Variants in FNTA observed in about 807,000 individuals in gnomAD.
FNTA encodes farnesyltransferase, CAAX box, subunit alpha, also known as protein farnesyltransferase/geranylgeranyltransferase type-1 subunit alpha.
A neutral mutation model predicts 55.2 loss-of-function variants in FNTA; 27 were observed. The observed-to-expected ratio is 0.49, with a 90% confidence interval of 0.36 to 0.67. FNTA has a LOEUF of 0.67. Ranked by LOEUF, FNTA falls within the 30% of genes least tolerant of loss-of-function variation. FNTA has a pLI of 0.00. For synonymous variants in FNTA, 176 were observed against 170.7 expected (o/e 1.03, Z -0.24); for missense variants, 422 against 464.7 (o/e 0.91, Z 0.85).
At position 43,064,104 on chromosome 8, in the gene FNTA, G is replaced by C. The variant is rs1350763553; in HGVS notation, c.290G>C (p.Arg97Thr). 6.2e-7 allele frequency: 1 copy of C among 1,603,804 alleles called. No individual in the cohort carries two copies. The highest frequency in any genetic ancestry group is 8.5e-7 in the Non-Finnish European group (1 of 1,171,000). ...VVQIIYSDKFRDVYDYFRAVL... is the reference protein window; with the variant it reads ...VVQIIYSDKFTDVYDYFRAVL... ...TAGTTGTGTGCTCTATCTCTAGTTA[G>C]AGATGTTTATGATTACTTCCGAGCT... Residue 97 changes from arginine (R) to threonine (T), a missense_variant, in exon 3 of 9, where the codon AGA becomes ACA. This residue lies in a region of FNTA where 262 missense variants were observed against 343.1 expected (regional missense o/e 0.76). Coordinates refer to ENST00000302279, the MANE Select transcript of FNTA (RefSeq NM_002027.3).
intron 2 of FNTA, among the ~76,000 whole-genome samples, chr8:43,060,632 G>A (rs1254619640): frequency 6.7e-6 from 1 of 150,184 alleles, no homozygotes; most frequent in Non-Finnish European, 1.5e-5. Flanking sequence ...CCACGATCAC[G>A]CCATTGCACT....
chr8:43,062,488 G>A (rs186122565), intron 2 of FNTA, among the ~76,000 whole-genome samples: 199 of 152,072 alleles, frequency 1.3e-3, no homozygotes, highest in African/African-American at 4.5e-3. Flanking sequence ...CACCATGTTG[G>A]TCAGGCTGGT....
rs1411881847 is a variant in FNTA, at chr8:43,056,395, G to A, written c.49G>A (p.Gly17Arg). 3.3e-6 allele frequency: 5 copies of A among 1,506,432 alleles called. No homozygotes were observed. The highest frequency in any genetic ancestry group is 1.8e-6 in the Non-Finnish European group (2 of 1,130,818). 93.3% of individuals were successfully genotyped at this position (1,506,432 alleles called of 1,614,324 possible). Residue 17 changes from glycine to arginine, a missense_variant, in exon 1 of 9, where the codon GGG (glycine) becomes AGG (arginine). By Grantham distance (125) the Gly-to-Arg change is moderately radical. This residue lies in a region of FNTA where 160 missense variants were observed against 121.6 expected (regional missense o/e 1.32). Coordinates refer to ENST00000302279, the MANE Select transcript of FNTA (RefSeq NM_002027.3). Reference sequence around the variant, plus strand: ...GGAGGCTGCGCAAGGGGGCGAGCCCGGGCAGCCGGCGCAACCCCCGCCCCA... The same window carrying A: ...GGAGGCTGCGCAAGGGGGCGAGCCCAGGCAGCCGGCGCAACCCCCGCCCCA... ...VGEAAQGGEPGQPAQPPPQPH... is the reference protein window; with the variant it reads ...VGEAAQGGEPRQPAQPPPQPH...
At chr8:43,059,884 T>C (rs1287510436) in intron 2 of FNTA, among the ~76,000 whole-genome samples, 1 of 152,232 alleles carries the variant, frequency 6.6e-6, no homozygotes, top group Admixed American at 6.5e-5. Flanking sequence ...TGTGCAGATA[T>C]ATTACTAAAC....
At chr8:43,078,614 T>A (rs1262815894) in intron 6 of FNTA, 2 of 152,242 alleles carry the variant, frequency 1.3e-5, no homozygotes. Flanking sequence ...TTGCATGTGT[T>A]CCACCATCTC....
At chr8:43,057,349 GAGT>G (rs1313680654) in intron 1 of FNTA, 4 of 152,336 alleles carry the variant, frequency 2.6e-5, no homozygotes, top group Middle Eastern at 3.4e-3. Flanking sequence ...TTTTGTGAAT[GAGT>G]AGAAGTCACT....
chr8:43,075,097 A>G (rs983193729), intron 5 of FNTA, among the ~76,000 whole-genome samples: 7 of 151,926 alleles, frequency 4.6e-5, no homozygotes, highest in African/African-American at 1.7e-4. Context: ...AAATAGAAAC[A>G]TATGTATAGA....
chr8:43,065,077 G>A (rs1216225880), intron 3 of FNTA, among the ~76,000 whole-genome samples: 26 of 151,298 alleles, frequency 1.7e-4, no homozygotes, highest in Admixed American at 1.3e-3. Flanking sequence ...CTCGTGATCC[G>A]CCCACCTCAG....
At chr8:43,060,718 A>G (rs1330760506) in intron 2 of FNTA, among the ~76,000 whole-genome samples, 1 of 151,992 alleles carries the variant, frequency 6.6e-6, no homozygotes, top group Non-Finnish European at 1.5e-5. Flanking sequence ...TCTTACATAC[A>G]CCATGGTTAG....
At chr8:43,064,274 CTTTTTTTAAACTGTACTTTAA>C (rs1165751255) in intron 3 of FNTA, 59 bp downstream of exon 3, 68 of 1,101,468 alleles carry the variant, frequency 6.2e-5, no homozygotes, top group African/African-American at 6.0e-4. Flanking sequence ...AGTGGCTTTT[CTTTTTTTAAACTGTACTTTAA>C]TTTTTTTAAA....
intron 4 of FNTA, among the ~76,000 whole-genome samples, chr8:43,071,110 T>A (rs758425977): frequency 4.6e-5 from 7 of 152,180 alleles, no homozygotes; most frequent in Non-Finnish European, 8.8e-5. Context: ...CTTCCCTTTT[T>A]CCTATTGTTC....
intron 2 of FNTA, 96 bp from the exon 3 acceptor site, chr8:43,064,005 G>A (rs1810595734): frequency 2.6e-6 from 2 of 772,008 alleles, no homozygotes; most frequent in Non-Finnish European, 4.3e-6. Flanking sequence ...TGATACACAG[G>A]CCAATAAAAT....
intron 2 of FNTA, among the ~76,000 whole-genome samples, chr8:43,061,829 C>G (rs181543263): frequency 1.8e-4 from 28 of 152,030 alleles, no homozygotes; most frequent in Non-Finnish European, 3.5e-4. Context: ...AAGTGATTCT[C>G]CTGCCTCAGC....
chr8:43,083,211 T>TA, intron 7 of FNTA, 31 bp downstream of exon 7: 3 of 1,381,436 alleles, frequency 2.2e-6, no homozygotes, highest in Non-Finnish European at 3.0e-6. Flanking sequence ...TTTTTATATA[T>TA]AAAAAAGAAG....
chr8:43,077,874 C>G lies in FNTA; in HGVS notation c.782+510C>G, dbSNP rs1016242309. 2.0e-5 allele frequency: 3 copies of G among 152,222 alleles called. No homozygotes were observed. The South Asian group carries it at 6.2e-4, about 31-fold the overall frequency. The allele number at this position is 152,222 out of a possible 1,614,324, so 9.4% of individuals were successfully genotyped here. On this transcript the variant is annotated intron_variant, in intron 6 of 8. Coordinates refer to ENST00000302279, the MANE Select transcript of FNTA (RefSeq NM_002027.3). ...ACAAAGAGCTGTTATTAGAGCTAGACATTTCTGAATTGGCATCAATTTCTA... is the reference window on the plus strand; with the variant it reads ...ACAAAGAGCTGTTATTAGAGCTAGAGATTTCTGAATTGGCATCAATTTCTA...
Position 43,072,161 on chromosome 8 carries a change from C to T in FNTA, c.507-20C>T, listed in dbSNP as rs1810807185. The T allele has an allele frequency of 6.8e-7, 1 of 1,460,988 alleles. No individual in the cohort carries two copies. The highest frequency in any genetic ancestry group is 1.4e-5 in the African/African-American group (1 of 69,028). The allele number at this position is 1,460,988 out of a possible 1,614,324, so 90.5% of individuals were successfully genotyped here. A position where few individuals can be genotyped will look rare whatever the true frequency, so the allele number is the denominator to read the frequency against. ...ATGGGTAAATTAACAAAAAACTTCT[C>T]TCCCTTCTTTGGGCTTTAGGCATCA... On this transcript the variant is annotated intron_variant, in intron 4 of 8. Coordinates refer to ENST00000302279, the MANE Select transcript of FNTA (RefSeq NM_002027.3).
Position 43,056,357 on chromosome 8 carries a change from C to G in FNTA, c.11C>G (p.Thr4Ser). Residue 4 changes from threonine (T) to serine (S), a missense_variant, in exon 1 of 9, where the codon ACC becomes AGC. By Grantham distance (58) the Thr-to-Ser change is moderately conservative. This residue lies in a region of FNTA where 160 missense variants were observed against 121.6 expected (regional missense o/e 1.32). Transcript: ENST00000302279. ...GCGGACCGAGGCGAGATGGCGGCCA[C>G]CGAGGGGGTCGGGGAGGCTGCGCAA... Reference protein sequence around the residue: MAATEGVGEAAQGG... With the variant: MAASEGVGEAAQGG... 1 of 1,425,450 alleles carries G rather than the reference C, an allele frequency of 7.0e-7. No individual in the cohort carries two copies. Among genetic ancestry groups the G allele is most frequent in the Non-Finnish European group, 9.1e-7 (1 of 1,096,156 alleles). 88.3% of individuals were successfully genotyped at this position (1,425,450 alleles called of 1,614,324 possible). A position where few individuals can be genotyped will look rare whatever the true frequency, so the allele number is the denominator to read the frequency against.
At chr8:43,073,046 T>C (rs1280804705) in intron 5 of FNTA, among the ~76,000 whole-genome samples, 1 of 152,198 alleles carries the variant, frequency 6.6e-6, no homozygotes, top group Non-Finnish European at 1.5e-5. Context: ...ACTCCCACTC[T>C]GGGTATTTTA....
chr8:43,072,263 G>A lies in FNTA; in HGVS notation c.589G>A (p.Ala197Thr). 1.9e-6 allele frequency: 3 copies of A among 1,593,346 alleles called. No homozygotes were observed. The highest frequency in any genetic ancestry group is 2.6e-6 in the Non-Finnish European group (3 of 1,168,808). Residue 197 changes from alanine (A) to threonine (T), a missense_variant, in exon 5 of 9, where the codon GCA becomes ACA. Transcript: ENST00000302279. The stretch of plus-strand genomic sequence containing the variant: ...TATTGCTGATATTCTTAATCAGGAT[G>A]CAAAGAATTATCATGCCTGGCAGCA... The part of the protein sequence containing the change: ...EFIADILNQD[A>T]KNYHAWQHRQ...
Sources: allele counts gnomAD v4.1 joint callset (sites outside exome capture counted in the v4.1 genomes callset), GRCh38; gene constraint gnomAD v4.1.1; regional missense constraint gnomAD v4.1.1; transcripts MANE v1.5; gene names NCBI Gene and HGNC (gene_info 2026-07-23, HGNC 2026-07-21).